The following ADCY8 variants were observed in gnomAD, a reference collection of about 807,000 sequenced individuals.
ADCY8 encodes the protein adenylate cyclase 8.
ADCY8 carries 51 observed loss-of-function variants against 119.7 expected under a neutral mutation model. The observed-to-expected ratio is 0.43, with a 90% CI of 0.34 to 0.54. ADCY8 has a LOEUF of 0.54. ADCY8 is among the 20% of genes least tolerant of loss of function. ADCY8 has a pLI of 0.03. For missense variants in ADCY8, 1,383 were observed against 1,598.8 expected (o/e 0.87, Z 2.30); for synonymous variants, 665 against 651.0 (o/e 1.02, Z -0.33).
chr8:130,925,948 G>A (rs984395608), intron 5 of ADCY8, among the ~76,000 whole-genome samples: 2 of 152,014 alleles, frequency 1.3e-5, no homozygotes, highest in Admixed American at 6.6e-5. Context: ...CAGTGTCAAG[G>A]GGAGAGAGAG....
intron 5 of ADCY8, among the ~76,000 whole-genome samples, chr8:130,928,662 T>A (rs1443093032): frequency 1.3e-5 from 2 of 152,194 alleles, no homozygotes; most frequent in African/African-American, 2.4e-5. Flanking sequence ...TGCTGTTGAA[T>A]TTGTTTTTCT....
At chr8:130,882,799 C>T (rs887014081) in intron 8 of ADCY8, among the ~76,000 whole-genome samples, 2 of 152,060 alleles carry the variant, frequency 1.3e-5, no homozygotes, top group African/African-American at 2.4e-5. Context: ...ATTCTCTGCT[C>T]AGCAGTAACA....
chr8:130,958,686 G>A (rs992997646), intron 2 of ADCY8, among the ~76,000 whole-genome samples: 2 of 152,094 alleles, frequency 1.3e-5, no homozygotes, highest in Non-Finnish European at 2.9e-5. Context: ...GAACAGTATG[G>A]GGGAAACTGC....
chr8:130,799,615 C>A (rs574811645), intron 15 of ADCY8, among the ~76,000 whole-genome samples: 2 of 152,300 alleles, frequency 1.3e-5, no homozygotes, highest in South Asian at 2.1e-4. Context: ...ATGAGAACTC[C>A]CTTGCTGGAA....
At chr8:130,857,479 G>T (rs141200823) in intron 9 of ADCY8, among the ~76,000 whole-genome samples, 2 of 151,776 alleles carry the variant, frequency 1.3e-5, no homozygotes, top group Non-Finnish European at 2.9e-5. Flanking sequence ...CGTATTTATC[G>T]AAAAACACAT....
intron 7 of ADCY8, among the ~76,000 whole-genome samples, chr8:130,896,993 A>G (rs1013228292): frequency 6.6e-6 from 1 of 152,138 alleles, no homozygotes; most frequent in Admixed American, 6.6e-5. Context: ...CTATTGTTCA[A>G]ATGAGGACAC....
chr8:130,942,981 G>A (rs1563738361), intron 4 of ADCY8, among the ~76,000 whole-genome samples: 1 of 152,154 alleles, frequency 6.6e-6, no homozygotes. Context: ...GATGGCCAGG[G>A]TTGGCTGGGA....
At chr8:130,797,072 C>T (rs748953910) in intron 15 of ADCY8, among the ~76,000 whole-genome samples, 4 of 152,200 alleles carry the variant, frequency 2.6e-5, no homozygotes, top group Non-Finnish European at 5.9e-5. Context: ...TTATTCACTA[C>T]AATTTTAAAA....
chr8:130,966,421 T>A (rs1322240203), intron 2 of ADCY8, among the ~76,000 whole-genome samples: 1 of 151,638 alleles, frequency 6.6e-6, no homozygotes, highest in Admixed American at 6.6e-5. Context: ...CTGTTAAGAG[T>A]GGGGTGGGTT....
intron 8 of ADCY8, among the ~76,000 whole-genome samples, chr8:130,868,346 A>G (rs777407697): frequency 3.4e-5 from 5 of 146,264 alleles, no homozygotes; most frequent in Non-Finnish European, 7.6e-5. Flanking sequence ...TTTACCAGGA[A>G]GTCTTTCTGC....
At chr8:130,800,343 AT>A in intron 15 of ADCY8, 82 bp downstream of exon 15, 16 of 1,538,088 alleles carry the variant, frequency 1.0e-5, no homozygotes, top group South Asian at 2.4e-5. Context: ...AAAAAAAAAA[AT>A]AAGTAATTCC....
intron 8 of ADCY8, among the ~76,000 whole-genome samples, chr8:130,872,143 C>T (rs1818386893): frequency 6.6e-6 from 1 of 152,088 alleles, no homozygotes; most frequent in Admixed American, 6.6e-5. Context: ...ATTTCTCAAT[C>T]TTTAGGGTCT....
At chr8:130,871,300 GCCCCACTTAT>G (rs1818345407) in intron 8 of ADCY8, among the ~76,000 whole-genome samples, 1 of 152,096 alleles carries the variant, frequency 6.6e-6, no homozygotes, top group African/African-American at 2.4e-5. Flanking sequence ...TCCTCACCTG[GCCCCACTTAT>G]CCTTTTATAT....
chr8:130,825,792 A>C (rs914991031), intron 12 of ADCY8, among the ~76,000 whole-genome samples: 3 of 152,160 alleles, frequency 2.0e-5, no homozygotes, highest in African/African-American at 7.2e-5. Context: ...TTTACTTTTT[A>C]ATTGAGCAGA....
intron 7 of ADCY8, 124 bp from the exon 8 acceptor site, chr8:130,884,885 G>T: frequency 3.0e-6 from 3 of 989,860 alleles, no homozygotes; most frequent in South Asian, 1.4e-5. Context: ...GTTGTATTCA[G>T]TGAAACCTAC....
intron 10 of ADCY8, 31 bp from the exon 11 acceptor site, chr8:130,847,544 AC>A: frequency 6.6e-7 from 1 of 1,514,228 alleles, no homozygotes; most frequent in African/African-American, 1.4e-5. Context: ...AAAAAGAACA[AC>A]AAAAACAAAA....
At chr8:130,787,802 TGTGTG>T in intron 15 of ADCY8, among the ~76,000 whole-genome samples, 1 of 152,046 alleles carries the variant, frequency 6.6e-6, no homozygotes, top group South Asian at 2.1e-4. Flanking sequence ...CACACACACA[TGTGTG>T]TTGTTTATGT....
chr8:131,031,467 T>G (rs1362242887), intron 1 of ADCY8, among the ~76,000 whole-genome samples: 1 of 152,200 alleles, frequency 6.6e-6, no homozygotes, highest in Non-Finnish European at 1.5e-5. Flanking sequence ...AGAGGTATTC[T>G]TCCTTGTTTT....
At chr8:130,984,150 G>A (rs1405524241) in intron 2 of ADCY8, among the ~76,000 whole-genome samples, 2 of 152,052 alleles carry the variant, frequency 1.3e-5, no homozygotes, top group Non-Finnish European at 2.9e-5. Context: ...GGCTCCCTGT[G>A]TGGGACAGAG....
Sources: allele counts gnomAD v4.1 joint callset (sites outside exome capture counted in the v4.1 genomes callset), GRCh38; gene constraint gnomAD v4.1.1; transcripts MANE v1.5; gene names NCBI Gene and HGNC (gene_info 2026-07-23, HGNC 2026-07-21).